Variants in ZNF333 observed in about 807,000 individuals in gnomAD.
ZNF333 encodes the protein zinc finger protein 333.
In ZNF333, 61 loss-of-function variants were observed where a neutral mutation model predicts 76.1. The observed-to-expected ratio is 0.80, with a 90% CI of 0.65 to 0.99. The LOEUF (loss-of-function observed/expected upper bound fraction) is 0.99, where lower values mean the gene tolerates loss of function less well. Among genes scored for constraint, ZNF333 ranks in the 50% least tolerant of loss-of-function variants. The probability of loss-of-function intolerance (pLI) is 0.00; values close to 1 mark genes in which losing one functional copy is unlikely to be tolerated. For missense variants in ZNF333, 717 were observed against 822.4 expected, an observed-to-expected ratio of 0.87 and a Z score of 1.57; for synonymous variants, 284 against 305.0, an observed-to-expected ratio of 0.93 and a Z score of 0.72.
chr19:14,695,214 C>G lies in ZNF333; in HGVS notation c.127+81C>G. ...GCGCCTGCCATGTGAAGAAGACAGACGTGGCTTAGGCTTTGTGGCACTTAG... is the reference window on the plus strand; with the variant it reads ...GCGCCTGCCATGTGAAGAAGACAGAGGTGGCTTAGGCTTTGTGGCACTTAG... On this transcript the variant is annotated intron_variant, in intron 3 of 11. Transcript: ENST00000292530. 2 of 1,535,746 alleles carry G rather than the reference C, an allele frequency of 1.3e-6. No homozygotes were observed. Among genetic ancestry groups the G allele is most frequent in the South Asian group, 1.2e-5 (1 of 82,424 alleles).
At chr19:14,701,629 C>T (rs928810037) in intron 5 of ZNF333, 104 of 985,434 alleles carry the variant, frequency 1.1e-4, no homozygotes, top group Admixed American at 6.1e-4. Flanking sequence ...GAATGAGCAA[C>T]GAGGGCCCGG....
At chr19:14,715,514 A>G (rs761566939) in intron 8 of ZNF333, 44 bp downstream of exon 8, 5 of 1,576,588 alleles carry the variant, frequency 3.2e-6, no homozygotes, top group African/African-American at 2.7e-5. Flanking sequence ...GCTGTGCCCA[A>G]AGGCTGGACT....
intron 5 of ZNF333, among the ~76,000 whole-genome samples, chr19:14,701,146 C>A (rs1464855420): frequency 1.3e-5 from 2 of 152,212 alleles, no homozygotes. Flanking sequence ...ACCTTGACTT[C>A]TGAGAATGTC....
At chr19:14,694,018 A>G (rs1972974991) in intron 2 of ZNF333, among the ~76,000 whole-genome samples, 1 of 151,012 alleles carries the variant, frequency 6.6e-6, no homozygotes, top group African/African-American at 2.4e-5. Context: ...AAAAAGTTTA[A>G]GCGCTCAGTT....
chr19:14,698,918 A>G (rs898255495), intron 4 of ZNF333, among the ~76,000 whole-genome samples: 11 of 121,288 alleles, frequency 9.1e-5, no homozygotes, highest in Non-Finnish European at 1.9e-4. Flanking sequence ...ATATATATAT[A>G]TATATATATA....
intron 6 of ZNF333, chr19:14,706,100 C>T (rs766403011): frequency 1.3e-5 from 6 of 457,504 alleles, no homozygotes; most frequent in Non-Finnish European, 8.8e-6. Context: ...GCTGCCTCTC[C>T]TGTCCCTGCT....
chr19:14,714,282 C>T (rs1871204179), intron 7 of ZNF333, among the ~76,000 whole-genome samples: 1 of 152,038 alleles, frequency 6.6e-6, no homozygotes, highest in Non-Finnish European at 1.5e-5. Flanking sequence ...GTTAGGAGGT[C>T]ACAAGGTTGG....
At chr19:14,731,962 G>GCCCAAC (rs1200956046) in exon 12 of ZNF333, 1 of 152,106 alleles carries the variant, frequency 6.6e-6, no homozygotes, top group African/African-American at 2.4e-5. Flanking sequence ...TTTCACTTCT[G>GCCCAAC]CCATGTCCTT....
rs184008827 is a variant in ZNF333 at position 14,706,014 on chromosome 19, T to C, written c.424-672T>C. 33 of 443,416 alleles carry C rather than the reference T, an allele frequency of 7.4e-5. No homozygotes were observed. In the East Asian group the frequency reaches 2.2e-3, roughly 30 times the overall value. The allele number at this position is 443,416 out of a possible 1,614,324, so 27.5% of individuals were successfully genotyped here. A position where few individuals can be genotyped will look rare whatever the true frequency, so the allele number is the denominator to read the frequency against. ...GCCCTGTTCCCTCCCCCGAGGGACC[T>C]GCTGCATGTACCCCCCAACCTCCCA... On this transcript the variant is annotated intron_variant, in intron 6 of 11. Coordinates refer to ENST00000292530, the MANE Select transcript of ZNF333 (RefSeq NM_032433.4).
intron 10 of ZNF333, 183 bp from the exon 11 acceptor site, chr19:14,717,474 C>T: frequency 1.7e-6 from 1 of 594,156 alleles, no homozygotes; most frequent in Non-Finnish European, 3.0e-6. Flanking sequence ...TCTCATCTAG[C>T]CACACACCTT....
rs374064193 is a variant in ZNF333, at chr19:14,700,477, G to A, written c.306+1196G>A. 5 of 152,390 alleles carry A rather than the reference G, an allele frequency of 3.3e-5. No homozygotes were observed. In the East Asian group the frequency reaches 7.7e-4, roughly 23 times the overall value. The allele number at this position is 152,390 out of a possible 1,614,324, so 9.4% of individuals were successfully genotyped here. ...CTTTGATTGGAAAGAATGTGGGAAA[G>A]TTGTTGGGCATCCTTTTCTTCTTAG... On this transcript the variant is annotated intron_variant, in intron 5 of 11. Transcript: ENST00000292530.
intron 7 of ZNF333, 77 bp from the exon 8 acceptor site, chr19:14,715,305 G>A (rs944729874): frequency 1.6e-6 from 2 of 1,281,878 alleles, no homozygotes; most frequent in African/African-American, 2.9e-5. Context: ...TCACAGCCAG[G>A]GTGGGCAGAC....
At chr19:14,716,008 C>T in intron 8 of ZNF333, 104 bp from the exon 9 acceptor site, 1 of 1,553,856 alleles carries the variant, frequency 6.4e-7, no homozygotes, top group East Asian at 2.3e-5. Context: ...GTCTGAAAGT[C>T]CTCTGCCTGG....
intron 5 of ZNF333, among the ~76,000 whole-genome samples, chr19:14,704,628 A>G (rs894877244): frequency 1.3e-5 from 2 of 152,222 alleles, no homozygotes; most frequent in Admixed American, 6.5e-5. Context: ...CACGTCTTAC[A>G]TGGATGGCAG....
intron 1 of ZNF333, among the ~76,000 whole-genome samples, chr19:14,692,908 C>T (rs1421628604): frequency 6.6e-6 from 1 of 151,698 alleles, no homozygotes; most frequent in Non-Finnish European, 1.5e-5. Context: ...CTGTAACCTC[C>T]GCCTCCTGGG....
chr19:14,699,842 C>T (rs1181979228), intron 5 of ZNF333, among the ~76,000 whole-genome samples: 1 of 152,120 alleles, frequency 6.6e-6, no homozygotes, highest in Non-Finnish European at 1.5e-5. Context: ...AGAGAAGCCC[C>T]ATTGTGAATA....
intron 11 of ZNF333, among the ~76,000 whole-genome samples, chr19:14,729,353 C>T (rs1453917977): frequency 2.0e-5 from 3 of 151,056 alleles, no homozygotes; most frequent in African/African-American, 4.9e-5. Context: ...GTTGGTCAAA[C>T]GATACACTTT....
At chr19:14,715,205 A>G (rs895160382) in intron 7 of ZNF333, 177 bp from the exon 8 acceptor site, 9 of 585,984 alleles carry the variant, frequency 1.5e-5, no homozygotes, top group Middle Eastern at 4.7e-4. Context: ...ATGTGATTGC[A>G]TGCATGCGTG....
chr19:14,726,561 A>G (rs1041996813), downstream of ZNF333, among the ~76,000 whole-genome samples: 1 of 152,148 alleles, frequency 6.6e-6, no homozygotes, highest in Non-Finnish European at 1.5e-5. Context: ...CTTTGCTCCC[A>G]CATCTGACTG....
Sources: allele counts gnomAD v4.1 joint callset (sites outside exome capture counted in the v4.1 genomes callset), GRCh38; gene constraint gnomAD v4.1.1; transcripts MANE v1.5; gene names NCBI Gene and HGNC (gene_info 2026-07-23, HGNC 2026-07-21).